ATP11B: variants seen among roughly 807,000 people sequenced by gnomAD.
The protein encoded by ATP11B is ATPase phospholipid transporting 11B (putative).
In ATP11B, 81 loss-of-function variants were observed where a neutral mutation model predicts 157.8. That is an observed-to-expected ratio of 0.51 (90% CI 0.43 to 0.62). ATP11B has a LOEUF of 0.62. Ranked by LOEUF, ATP11B falls within the 20% of genes least tolerant of loss-of-function variation. The probability of loss-of-function intolerance (pLI) is 0.00; values close to 1 mark genes in which losing one functional copy is unlikely to be tolerated. For missense variants in ATP11B, 1,165 were observed against 1,402.2 expected (o/e 0.83, Z 2.70); for synonymous variants, 451 against 469.4 (o/e 0.96, Z 0.51).
Position 182,859,151 on chromosome 3 carries a change from CTT to C in ATP11B, c.1003-6_1003-5del, listed in dbSNP as rs1260639138. On this transcript the variant is annotated splice_polypyrimidine_tract_variant and intron_variant, in intron 11 of 29. Transcript: ENST00000323116. ...TTTTTTCTTTTCAAACAATTATTTC[CTT>C]TTTTCTAGATTCTGAGATTTATTTC... 1 of 1,576,572 alleles carries C rather than the reference CTT, an allele frequency of 6.3e-7. No homozygotes were observed. The highest frequency in any genetic ancestry group is 8.6e-7 in the Non-Finnish European group (1 of 1,158,472).
At chr3:182,863,697 T>G (rs893217693) in intron 12 of ATP11B, among the ~76,000 whole-genome samples, 28 of 151,848 alleles carry the variant, frequency 1.8e-4, no homozygotes, top group African/African-American at 6.5e-4. Flanking sequence ...AGATTAAACT[T>G]CTTGATTTTA....
chr3:182,856,383 T>G (rs1720404645), intron 10 of ATP11B, among the ~76,000 whole-genome samples: 1 of 152,080 alleles, frequency 6.6e-6, no homozygotes, highest in Non-Finnish European at 1.5e-5. Context: ...GAAAAATAGG[T>G]TAGTAATGTA....
At chr3:182,794,048 T>C (rs1183433859) in intron 1 of ATP11B, among the ~76,000 whole-genome samples, 1 of 152,080 alleles carries the variant, frequency 6.6e-6, no homozygotes, top group Non-Finnish European at 1.5e-5. Flanking sequence ...TCTCCGTTAC[T>C]TCTTCCCCCT....
rs1389443793 is a variant in ATP11B at position 182,918,289 on chromosome 3, A to G, written c.*185A>G. On this transcript the variant is annotated 3_prime_UTR_variant, in exon 30 of 30. Transcript: ENST00000323116. ...AGTACAAGCCCCTCCCAACACCCTT[A>G]ATTTGAATCTGAACATGTTAAAATT... is the stretch of plus-strand genomic sequence containing the variant. The G allele has an allele frequency of 1.5e-6, 1 of 683,548 alleles. No homozygotes were observed. The allele number at this position is 683,548 out of a possible 1,614,324, so 42.3% of individuals were successfully genotyped here.
At chr3:182,815,799 T>C (rs368171043) in intron 1 of ATP11B, among the ~76,000 whole-genome samples, 5 of 152,212 alleles carry the variant, frequency 3.3e-5, no homozygotes, top group African/African-American at 1.2e-4. Context: ...AACTATAGTT[T>C]TAGTCTCTTC....
rs1455719608 is a variant in ATP11B at position 182,920,668 on chromosome 3, A to AGTC, written c.*2565_*2567dup. On this transcript the variant is annotated 3_prime_UTR_variant, in exon 30 of 30. Transcript: ENST00000323116. ...AGCCTGAAGATAGTGGCAAGCACCA[A>AGTC]GTCAGTTTCCAAAATTGCCCCTCAG... 6.6e-6 allele frequency: 1 copy of AGTC among 152,226 alleles called. No homozygotes were observed. The highest frequency in any genetic ancestry group is 1.5e-5 in the Non-Finnish European group (1 of 68,070). The allele number at this position is 152,226 out of a possible 1,614,324, so 9.4% of individuals were successfully genotyped here. A position where few individuals can be genotyped will look rare whatever the true frequency, so the allele number is the denominator to read the frequency against.
chr3:182,806,535 C>A (rs1716341335), intron 1 of ATP11B, among the ~76,000 whole-genome samples: 1 of 152,070 alleles, frequency 6.6e-6, no homozygotes, highest in Admixed American at 6.6e-5. Flanking sequence ...ATTCTCATCT[C>A]ATTTTCTATC....
intron 19 of ATP11B, among the ~76,000 whole-genome samples, chr3:182,877,823 A>C (rs1722151445): frequency 6.6e-6 from 1 of 152,158 alleles, no homozygotes. Context: ...CGTGCCAGAG[A>C]TGTAGGTGCT....
chr3:182,866,192 A>G, intron 13 of ATP11B, 76 bp from the exon 14 acceptor site: 1 of 1,126,256 alleles, frequency 8.9e-7, no homozygotes, highest in Non-Finnish European at 1.2e-6. Flanking sequence ...TCTAGATCTT[A>G]GAATTTTGCC....
At chr3:182,840,108 G>A (rs147413792) in intron 7 of ATP11B, among the ~76,000 whole-genome samples, 1,767 of 152,122 alleles carry the variant, frequency 0.012, 28 homozygotes, top group Middle Eastern at 0.048. Flanking sequence ...GACTCCTTTC[G>A]TTGTTTTGCT....
chr3:182,885,718 G>A (rs1722752051), intron 22 of ATP11B, among the ~76,000 whole-genome samples: 1 of 152,058 alleles, frequency 6.6e-6, no homozygotes, highest in African/African-American at 2.4e-5. Flanking sequence ...GCAGTGAGAG[G>A]AGTCAAGGGT....
Position 182,866,346 on chromosome 3 carries a change from A to C in ATP11B, c.1522A>C (p.Thr508Pro). The C allele has an allele frequency of 6.2e-7, 1 of 1,614,024 alleles. No homozygotes were observed. The highest frequency in any genetic ancestry group is 8.5e-7 in the Non-Finnish European group (1 of 1,179,908). Residue 508 changes from threonine (T) to proline (P), a missense_variant, in exon 14 of 30, where the codon ACT (threonine) becomes CCT (proline). Thr to Pro is a conservative substitution (Grantham distance 38). This residue lies in a region of ATP11B where 737 missense variants were observed against 930.5 expected (regional missense o/e 0.79). Coordinates refer to ENST00000323116, the MANE Select transcript of ATP11B (RefSeq NM_014616.3). The stretch of plus-strand genomic sequence containing the variant: ...GATTAGCAATGTTCAAACTGACTGC[A>C]CTGGTGATGGTCCCTGGCAATCCAA... ...VQISNVQTDC[T>P]GDGPWQSNLA...
In ATP11B at chr3:182,918,260, C is replaced by T; in HGVS notation, c.*156C>T. The T allele has an allele frequency of 9.3e-7, 1 of 1,079,324 alleles. No homozygotes were observed. The allele number at this position is 1,079,324 out of a possible 1,614,324, so 66.9% of individuals were successfully genotyped here. A position where few individuals can be genotyped will look rare whatever the true frequency, so the allele number is the denominator to read the frequency against. The stretch of plus-strand genomic sequence containing the variant: ...GTTATAATGGCAAACAAACAGAAAG[C>T]ATTAGTACAAGCCCCTCCCAACACC... On this transcript the variant is annotated 3_prime_UTR_variant, in exon 30 of 30. Transcript: ENST00000323116.
intron 10 of ATP11B, among the ~76,000 whole-genome samples, chr3:182,856,799 G>T (rs1018270987): frequency 2.4e-4 from 37 of 152,202 alleles, no homozygotes; most frequent in African/African-American, 8.7e-4. Context: ...ATTATGAAAG[G>T]CCTAGGGAGA....
chr3:182,804,638 A>G (rs1238357751), intron 1 of ATP11B, among the ~76,000 whole-genome samples: 1 of 152,334 alleles, frequency 6.6e-6, no homozygotes, highest in East Asian at 1.9e-4. Flanking sequence ...TACAACTCAC[A>G]TAACATACAA....
chr3:182,847,739 G>T (rs972066962), intron 9 of ATP11B, among the ~76,000 whole-genome samples: 7 of 152,064 alleles, frequency 4.6e-5, no homozygotes, highest in African/African-American at 7.2e-5. Flanking sequence ...ACTCTATGAG[G>T]TATTTTTTCC....
chr3:182,853,179 C>T (rs1720108544), intron 10 of ATP11B, among the ~76,000 whole-genome samples: 1 of 152,104 alleles, frequency 6.6e-6, no homozygotes, highest in Admixed American at 6.5e-5. Flanking sequence ...AAGTTGGTCT[C>T]AGAATACAAG....
At chr3:182,809,633 C>G (rs908791683) in intron 1 of ATP11B, among the ~76,000 whole-genome samples, 2 of 152,170 alleles carry the variant, frequency 1.3e-5, no homozygotes, top group African/African-American at 4.8e-5. Context: ...ATATCAAGTC[C>G]AGCCCTCTTT....
At chr3:182,879,031 G>A (rs1433290669) in intron 19 of ATP11B, among the ~76,000 whole-genome samples, 5 of 152,182 alleles carry the variant, frequency 3.3e-5, no homozygotes, top group African/African-American at 1.2e-4. Flanking sequence ...CCAGCACTTT[G>A]AGAGGCTGAG....
Sources: allele counts gnomAD v4.1 joint callset (sites outside exome capture counted in the v4.1 genomes callset), GRCh38; gene constraint gnomAD v4.1.1; regional missense constraint gnomAD v4.1.1; transcripts MANE v1.5; gene names NCBI Gene and HGNC (gene_info 2026-07-23, HGNC 2026-07-21).